Variants in ACSS3 observed in about 807,000 individuals in gnomAD.
ACSS3 encodes acyl-CoA synthetase short chain family member 3, also known as acyl-CoA synthetase short-chain family member 3, mitochondrial.
ACSS3 carries 64 observed loss-of-function variants against 84.2 expected under a neutral mutation model. The ratio of observed to expected loss-of-function variants is 0.76; its 90% CI spans 0.62 to 0.94. The LOEUF (loss-of-function observed/expected upper bound fraction) is 0.94, where lower values mean the gene tolerates loss of function less well. Ranked by LOEUF, ACSS3 falls within the 40% of genes least tolerant of loss-of-function variation. ACSS3 has a pLI of 0.00. For synonymous variants in ACSS3, 317 were observed against 310.1 expected, an observed-to-expected ratio of 1.02 and a Z score of -0.23; for missense variants, 815 against 867.6, an observed-to-expected ratio of 0.94 and a Z score of 0.76.
At chr12:81,213,370 G>A (rs1395795572) in intron 9 of ACSS3, among the ~76,000 whole-genome samples, 5 of 152,074 alleles carry the variant, frequency 3.3e-5, no homozygotes, top group Non-Finnish European at 5.9e-5. Context: ...TATTGAAGAT[G>A]CGTCAGTCCT....
chr12:81,223,269 G>C (rs1006796054), intron 11 of ACSS3, among the ~76,000 whole-genome samples: 1 of 152,018 alleles, frequency 6.6e-6, no homozygotes, highest in East Asian at 1.9e-4. Flanking sequence ...CCATGGTGGG[G>C]TGCAAGGGAG....
intron 1 of ACSS3, among the ~76,000 whole-genome samples, chr12:81,082,675 A>G (rs541069104): frequency 1.3e-5 from 2 of 152,226 alleles, no homozygotes; most frequent in East Asian, 3.9e-4. Context: ...GGATTTTTAA[A>G]TTTTTTCCTG....
At chr12:81,248,352 A>T (rs2034048829) in intron 13 of ACSS3, among the ~76,000 whole-genome samples, 1 of 152,090 alleles carries the variant, frequency 6.6e-6, no homozygotes, top group South Asian at 2.1e-4. Context: ...GTAAATGTGC[A>T]TAATAGAATA....
intron 2 of ACSS3, among the ~76,000 whole-genome samples, chr12:81,124,821 T>C (rs745466870): frequency 5.9e-5 from 9 of 152,318 alleles, no homozygotes; most frequent in Admixed American, 1.3e-4. Context: ...AAGGTAATCT[T>C]TCTTTGGTCT....
At chr12:81,149,341 CCT>C (rs1319670604) in intron 5 of ACSS3, among the ~76,000 whole-genome samples, 1 of 151,986 alleles carries the variant, frequency 6.6e-6, no homozygotes, top group Non-Finnish European at 1.5e-5. Flanking sequence ...ATTATCATTA[CCT>C]GGAAAATGTG....
intron 9 of ACSS3, among the ~76,000 whole-genome samples, chr12:81,205,956 T>C (rs2032328753): frequency 6.6e-6 from 1 of 152,120 alleles, no homozygotes; most frequent in Admixed American, 6.6e-5. Context: ...TAGGCATACC[T>C]AGGCATAAGA....
At chr12:81,170,742 T>A (rs1025667612) in intron 7 of ACSS3, among the ~76,000 whole-genome samples, 3 of 152,166 alleles carry the variant, frequency 2.0e-5, no homozygotes, top group African/African-American at 7.2e-5. Context: ...TTCCCCTTAA[T>A]GAAAACCAAG....
intron 9 of ACSS3, 22 bp from the exon 10 acceptor site, chr12:81,216,879 T>C: frequency 6.3e-7 from 1 of 1,583,344 alleles, no homozygotes; most frequent in Non-Finnish European, 8.7e-7. Context: ...CATGAAGTGA[T>C]AAATAACATT....
intron 8 of ACSS3, among the ~76,000 whole-genome samples, chr12:81,194,966 C>T (rs945150510): frequency 6.6e-6 from 1 of 151,896 alleles, no homozygotes; most frequent in Non-Finnish European, 1.5e-5. Context: ...CAATGTTGTA[C>T]ATCACATTTT....
At chr12:81,214,389 A>G (rs2032821109) in intron 9 of ACSS3, among the ~76,000 whole-genome samples, 1 of 152,174 alleles carries the variant, frequency 6.6e-6, no homozygotes, top group Non-Finnish European at 1.5e-5. Flanking sequence ...AAGACACTTG[A>G]ATTACTAATG....
chr12:81,131,840 C>G (rs1885525454), intron 2 of ACSS3, among the ~76,000 whole-genome samples: 1 of 152,074 alleles, frequency 6.6e-6, no homozygotes, highest in Non-Finnish European at 1.5e-5. Context: ...GCATGAAAGG[C>G]TGTTGAATGG....
chr12:81,145,196 A>G (rs1226214388), intron 5 of ACSS3, among the ~76,000 whole-genome samples: 3 of 150,516 alleles, frequency 2.0e-5, no homozygotes, highest in Admixed American at 6.7e-5. Flanking sequence ...GATTACAGGC[A>G]TGAGCCACTG....
intron 2 of ACSS3, chr12:81,124,535 A>T (rs1461112900): frequency 6.6e-6 from 1 of 152,198 alleles, no homozygotes; most frequent in Non-Finnish European, 1.5e-5. Context: ...AAATCACGTA[A>T]CTACAAATAT....
At chr12:81,121,935 A>G (rs2121548671) in intron 2 of ACSS3, among the ~76,000 whole-genome samples, 1 of 150,216 alleles carries the variant, frequency 6.7e-6, no homozygotes, top group African/African-American at 2.4e-5. Context: ...TATTATTATT[A>G]TTATTATTAT....
chr12:81,148,766 T>C (rs1364469041), intron 5 of ACSS3, among the ~76,000 whole-genome samples: 1 of 151,706 alleles, frequency 6.6e-6, no homozygotes, highest in Non-Finnish European at 1.5e-5. Context: ...AGGTAGAGTA[T>C]AAGTACATAG....
intron 11 of ACSS3, among the ~76,000 whole-genome samples, chr12:81,223,673 G>A (rs555354546): frequency 1.3e-5 from 2 of 152,096 alleles, no homozygotes; most frequent in East Asian, 1.9e-4. Flanking sequence ...CTGAGGGAAA[G>A]AAATTATGGT....
At chr12:81,210,346 G>A in intron 9 of ACSS3, among the ~76,000 whole-genome samples, 1 of 152,174 alleles carries the variant, frequency 6.6e-6, no homozygotes, top group East Asian at 1.9e-4. Flanking sequence ...GCATCAGTAT[G>A]TTGAGGACCA....
intron 8 of ACSS3, 68 bp from the exon 9 acceptor site, chr12:81,199,273 T>A: frequency 1.1e-5 from 16 of 1,403,498 alleles, no homozygotes; most frequent in Non-Finnish European, 1.6e-5. Context: ...CCAATGTTTT[T>A]AAAATGTAAA....
intron 11 of ACSS3, among the ~76,000 whole-genome samples, chr12:81,226,904 G>A (rs1184877627): frequency 6.6e-6 from 1 of 151,294 alleles, no homozygotes; most frequent in Non-Finnish European, 1.5e-5. Context: ...TGGTAACTTG[G>A]CTTTAACATG....
Sources: gnomAD v4.1 joint callset for allele counts (sites outside exome capture counted in the v4.1 genomes callset) on GRCh38, gnomAD v4.1.1 for gene constraint, MANE v1.5 for transcripts, NCBI Gene and HGNC (gene_info 2026-07-23, HGNC 2026-07-21) for gene names.